Variants in CPN2 observed in about 807,000 individuals in gnomAD.
CPN2 encodes the protein carboxypeptidase N 83 kDa chain.
For synonymous variants in CPN2, 336 were observed against 318.4 expected (o/e 1.06, Z -0.59); for missense variants, 620 against 671.4 (o/e 0.92, Z 0.85).
chr3:194,348,497 G>A (rs1428126784), intron 1 of CPN2, among the ~76,000 whole-genome samples: 3 of 152,168 alleles, frequency 2.0e-5, no homozygotes, highest in South Asian at 2.1e-4. Context: ...GCATTGGGCC[G>A]CAGCAAGAAA....
Position 194,342,551 on chromosome 3 carries a change from G to T in CPN2, c.152C>A (p.Thr51Lys), listed in dbSNP as rs146166274. 3 of 1,614,132 alleles carry T rather than the reference G, an allele frequency of 1.9e-6. No individual in the cohort carries two copies. The highest frequency in any genetic ancestry group is 2.5e-6 in the Non-Finnish European group (3 of 1,180,018). ...ATVPLDIPPY[T>K]KNIIFVETSF... ...GGTCTCCACAAAGATGATGTTTTTCGTATATGGCGGGATGTCCAGTGGGAC... is the reference window on the plus strand; with the variant it reads ...GGTCTCCACAAAGATGATGTTTTTCTTATATGGCGGGATGTCCAGTGGGAC... Residue 51 changes from threonine (T) to lysine (K), a missense_variant, in exon 2 of 2, where the codon ACG (threonine) becomes AAG (lysine). Transcript: ENST00000323830.
chr3:194,344,639 A>G (rs1192349236), intron 1 of CPN2, among the ~76,000 whole-genome samples: 1 of 152,144 alleles, frequency 6.6e-6, no homozygotes, highest in Non-Finnish European at 1.5e-5. Flanking sequence ...AGGTTGCAGT[A>G]AGCCGAGATC....
intron 1 of CPN2, among the ~76,000 whole-genome samples, chr3:194,346,908 C>T (rs1228270441): frequency 6.6e-6 from 1 of 152,204 alleles, no homozygotes; most frequent in Admixed American, 6.5e-5. Context: ...TAGCTCTTTC[C>T]TCCAGCCAAG....
At chr3:194,345,767 C>T (rs765794391) in intron 1 of CPN2, among the ~76,000 whole-genome samples, 1 of 152,208 alleles carries the variant, frequency 6.6e-6, no homozygotes, top group African/African-American at 2.4e-5. Context: ...GGGCCAAAGC[C>T]GGAGTTGCAC....
At chr3:194,349,732 A>G (rs1343838747) in intron 1 of CPN2, among the ~76,000 whole-genome samples, 2 of 137,560 alleles carry the variant, frequency 1.5e-5, no homozygotes, top group African/African-American at 5.5e-5. Context: ...CTCCCAGTCC[A>G]GTGCAAGTCA....
In CPN2 at chr3:194,341,008, C is replaced by T. The variant is rs910027000; in HGVS notation, c.*57G>A. On this transcript the variant is annotated 3_prime_UTR_variant, in exon 2 of 2. Transcript: ENST00000323830. ...GAGACTCAGCTCCCCTCCGCCCCTA[C>T]CTGTCGCCTGGTCAGGCCCCAGAGG... 8 of 1,513,402 alleles carry T rather than the reference C, an allele frequency of 5.3e-6. No homozygotes were observed. In the Admixed American group the frequency reaches 1.2e-4, roughly 24 times the overall value. The allele number at this position is 1,513,402 out of a possible 1,614,324, so 93.7% of individuals were successfully genotyped here.
intron 1 of CPN2, among the ~76,000 whole-genome samples, chr3:194,350,368 A>G (rs1219290919): frequency 6.6e-6 from 1 of 152,212 alleles, no homozygotes; most frequent in Non-Finnish European, 1.5e-5. Flanking sequence ...GCTTAGTAGC[A>G]GGGGAAAGCA....
Position 194,342,132 on chromosome 3 carries a change from G to C in CPN2, c.571C>G (p.Pro191Ala), listed in dbSNP as rs766224115. 6.2e-7 allele frequency: 1 copy of C among 1,614,106 alleles called. No individual in the cohort carries two copies. The highest frequency in any genetic ancestry group is 8.5e-7 in the Non-Finnish European group (1 of 1,179,996). Residue 191 changes from proline (P) to alanine (A), a missense_variant, in exon 2 of 2, where the codon CCA becomes GCA. Pro to Ala is a conservative substitution (Grantham distance 27). Coordinates refer to ENST00000323830, the MANE Select transcript of CPN2 (RefSeq NM_001080513.4). ...LAQLPEELFH[P>A]LTSLQTLKLS... is the part of the protein sequence containing the mutation. ...TTCAGGGTCTGCAGGCTGGTGAGTG[G>C]GTGGAACAGCTCCTCCGGGAGCTGG...
chr3:194,350,098 G>A (rs1056603125), intron 1 of CPN2, among the ~76,000 whole-genome samples: 3 of 152,068 alleles, frequency 2.0e-5, no homozygotes, highest in Non-Finnish European at 4.4e-5. Context: ...CACCGCGCTC[G>A]GCCCTTTCTT....
rs150510546 is a variant in CPN2 at position 194,341,081 on chromosome 3, C to A, written c.1622G>T (p.Arg541Leu). 1,976 of 1,602,270 alleles carry A rather than the reference C, an allele frequency of 1.2e-3. 10 individuals carry two copies. Among genetic ancestry groups the A allele is most frequent in the Middle Eastern group, 0.012 (64 of 5,426 alleles). Residue 541 changes from arginine to leucine, a missense_variant, in exon 2 of 2, where the codon CGG becomes CTG. Arg to Leu is a moderately radical substitution (Grantham distance 102, BLOSUM62 -2). Coordinates refer to ENST00000323830, the MANE Select transcript of CPN2 (RefSeq NM_001080513.4). ...GCGCTGCTACTAGGGCCCTGCTGCC[C>A]GAGCCTCGATAGACACGGTGAGCCG... ...SLRLTVSIEARAAGP is the reference protein window; with the variant it reads ...SLRLTVSIEALAAGP
At chr3:194,343,768 A>G (rs1478337641) in intron 1 of CPN2, among the ~76,000 whole-genome samples, 2 of 152,246 alleles carry the variant, frequency 1.3e-5, no homozygotes, top group African/African-American at 4.8e-5. Flanking sequence ...GGTAATTGTT[A>G]GGGATTAAGT....
At chr3:194,350,739 C>G (rs1013587603) in intron 1 of CPN2, among the ~76,000 whole-genome samples, 3 of 151,986 alleles carry the variant, frequency 2.0e-5, no homozygotes, top group Non-Finnish European at 4.4e-5. Flanking sequence ...GCTTGTAATC[C>G]CAGCTACTCA....
Position 194,342,346 on chromosome 3 carries a change from G to T in CPN2, c.357C>A (p.Asn119Lys), listed in dbSNP as rs1027411923. ...GGGTGAGCTTGCCCAGCGAGGTCAG[G>T]TTGGAGAAGATGTTGGTGCTGAGGT... ...FLNLSTNIFS[N>K]LTSLGKLTLN... The change falls in exon 2 of 2, where the codon AAC becomes AAA. Residue 119 changes from asparagine to lysine, a missense_variant. Asn to Lys is a moderately conservative substitution (Grantham distance 94). Coordinates refer to ENST00000323830, the MANE Select transcript of CPN2 (RefSeq NM_001080513.4). 2.5e-6 allele frequency: 4 copies of T among 1,614,022 alleles called. No homozygotes were observed. Among genetic ancestry groups the T allele is most frequent in the Non-Finnish European group, 3.4e-6 (4 of 1,180,030 alleles).
chr3:194,343,207 CGAG>C (rs1220823030), intron 1 of CPN2, among the ~76,000 whole-genome samples: 1 of 152,086 alleles, frequency 6.6e-6, no homozygotes, highest in African/African-American at 2.4e-5. Flanking sequence ...CGGCGAGACC[CGAG>C]GAGATTTCCA....
At position 194,342,096 on chromosome 3, in the gene CPN2, T is replaced by G. The variant is rs140073606; in HGVS notation, c.607A>C (p.Asn203His). The stretch of plus-strand genomic sequence containing the variant: ...CCCTGGGGGAGACCAGAGAGCGCGT[T>G]GTTGCTCAGCTTCAGGGTCTGCAGG... Reference protein sequence around the residue: ...TSLQTLKLSNNALSGLPQGVF... With the variant: ...TSLQTLKLSNHALSGLPQGVF... The change falls in exon 2 of 2, where the codon AAC (asparagine) becomes CAC (histidine). Residue 203 changes from asparagine (N) to histidine (H), a missense_variant. Coordinates refer to ENST00000323830, the MANE Select transcript of CPN2 (RefSeq NM_001080513.4). 9.3e-6 allele frequency: 15 copies of G among 1,613,884 alleles called. No individual in the cohort carries two copies. The African/African-American group carries it at 2.0e-4, about 22-fold the overall frequency.
Position 194,341,978 on chromosome 3 carries a change from C to A in CPN2, c.725G>T (p.Cys242Phe), listed in dbSNP as rs1439710667. 1.2e-6 allele frequency: 2 copies of A among 1,614,166 alleles called. No homozygotes were observed. Among genetic ancestry groups the A allele is most frequent in the Non-Finnish European group, 8.5e-7 (1 of 1,180,036 alleles). The change falls in exon 2 of 2, where the codon TGC (cysteine) becomes TTC (phenylalanine). Residue 242 changes from cysteine to phenylalanine, a missense_variant. By Grantham distance (205) the Cys-to-Phe change is radical. Transcript: ENST00000323830. ...GCGTTGCAGCCACAGCCTCTCTAGG[C>A]AGAAGAGCTGGGAGAACACCTGAGG... ...LPPQVFSQLF[C>F]LERLWLQRNA...
In CPN2 at chr3:194,341,853, G is replaced by A. The variant is rs1191911245; in HGVS notation, c.850C>T (p.Leu284Phe). The part of the protein sequence containing the change: ...WNMLRVLPAG[L>F]FAHTPCLVGL... Reference sequence around the variant, plus strand: ...ACCAGGCACGGGGTGTGGGCAAAGAGGCCGGCAGGCAGGACCCGAAGCATG... The same window carrying A: ...ACCAGGCACGGGGTGTGGGCAAAGAAGCCGGCAGGCAGGACCCGAAGCATG... Residue 284 changes from leucine (L) to phenylalanine (F), a missense_variant, in exon 2 of 2, where the codon CTC becomes TTC. Transcript: ENST00000323830. The A allele has an allele frequency of 5.6e-6, 9 of 1,614,124 alleles. No individual in the cohort carries two copies. Among genetic ancestry groups the A allele is most frequent in the Non-Finnish European group, 7.6e-6 (9 of 1,179,962 alleles).
At chr3:194,348,388 T>C (rs1713136945) in intron 1 of CPN2, among the ~76,000 whole-genome samples, 1 of 151,854 alleles carries the variant, frequency 6.6e-6, no homozygotes, top group Non-Finnish European at 1.5e-5. Context: ...AGTCCCAGTC[T>C]GCGACTGTAA....
intron 1 of CPN2, among the ~76,000 whole-genome samples, chr3:194,347,595 C>T (rs1409115529): frequency 6.6e-6 from 1 of 152,228 alleles, no homozygotes; most frequent in Non-Finnish European, 1.5e-5. Flanking sequence ...GTCAGGTTTG[C>T]ACTGGGTTCT....
Sources: allele counts gnomAD v4.1 joint callset (sites outside exome capture counted in the v4.1 genomes callset), GRCh38; gene constraint gnomAD v4.1.1; transcripts MANE v1.5; gene names NCBI Gene and HGNC (gene_info 2026-07-23, HGNC 2026-07-21).